KCNN2: variants seen among roughly 807,000 people sequenced by gnomAD.
KCNN2 encodes small conductance calcium-activated potassium channel protein 2.
A neutral mutation model predicts 55.5 loss-of-function variants in KCNN2; 24 were observed. That is an observed-to-expected ratio of 0.43 (90% CI 0.31 to 0.61). KCNN2 has a LOEUF of 0.61. Ranked by LOEUF, KCNN2 falls within the 20% of genes least tolerant of loss-of-function variation. The pLI is 0.08. For synonymous variants in KCNN2, 431 were observed against 336.1 expected (o/e 1.28, Z -3.09); for missense variants, 754 against 853.6 (o/e 0.88, Z 1.45).
chr5:114,440,878 A>C, intron 3 of KCNN2, among the ~76,000 whole-genome samples: 1 of 151,720 alleles, frequency 6.6e-6, no homozygotes, highest in South Asian at 2.1e-4. Context: ...GATAGCTAAA[A>C]CCCACAGATG....
chr5:114,279,463 A>C (rs1025544367), intron 2 of KCNN2, among the ~76,000 whole-genome samples: 1 of 151,956 alleles, frequency 6.6e-6, no homozygotes, highest in Non-Finnish European at 1.5e-5. Flanking sequence ...CCCCCACCCC[A>C]CAACAGGCCC....
intron 3 of KCNN2, among the ~76,000 whole-genome samples, chr5:114,434,788 G>C (rs1036177521): frequency 6.6e-6 from 1 of 152,142 alleles, no homozygotes; most frequent in African/African-American, 2.4e-5. Context: ...AGGGGCTGAA[G>C]TGGGGGTGTT....
At chr5:114,090,026 C>G (rs1350652366) in intron 1 of KCNN2, among the ~76,000 whole-genome samples, 1 of 152,124 alleles carries the variant, frequency 6.6e-6, no homozygotes, top group Non-Finnish European at 1.5e-5. Context: ...TCAAGAAAAG[C>G]TGGCAAGCTT....
At chr5:114,146,163 T>C (rs1023013746) in intron 1 of KCNN2, among the ~76,000 whole-genome samples, 2 of 152,122 alleles carry the variant, frequency 1.3e-5, no homozygotes, top group African/African-American at 4.8e-5. Context: ...TGGTTTATTG[T>C]CAGATGGTTA....
At chr5:114,165,023 C>G (rs1026277307) in intron 1 of KCNN2, among the ~76,000 whole-genome samples, 3 of 152,188 alleles carry the variant, frequency 2.0e-5, no homozygotes, top group Admixed American at 2.0e-4. Flanking sequence ...GTAACAGTAA[C>G]TTGCCTAAAG....
At chr5:114,216,565 T>C (rs1754005068) in intron 1 of KCNN2, among the ~76,000 whole-genome samples, 1 of 152,106 alleles carries the variant, frequency 6.6e-6, no homozygotes, top group Admixed American at 6.5e-5. Context: ...TATCAATAGA[T>C]ACAGAAAAAG....
chr5:114,220,543 T>A (rs1252335437), intron 1 of KCNN2, among the ~76,000 whole-genome samples: 1 of 151,958 alleles, frequency 6.6e-6, no homozygotes, highest in Non-Finnish European at 1.5e-5. Flanking sequence ...TACAGAAATG[T>A]TTTTTAAAAA....
intron 5 of KCNN2, among the ~76,000 whole-genome samples, chr5:114,482,076 T>C (rs1176507065): frequency 2.0e-5 from 3 of 152,162 alleles, no homozygotes; most frequent in Admixed American, 1.3e-4. Context: ...AAAGAAACTA[T>C]TGACAAAGTG....
At chr5:114,070,492 T>TC (rs1307230744) in intron 1 of KCNN2, among the ~76,000 whole-genome samples, 1 of 152,178 alleles carries the variant, frequency 6.6e-6, no homozygotes, top group Non-Finnish European at 1.5e-5. Flanking sequence ...TGAAAAAGCT[T>TC]CCCGGGCTGT....
In KCNN2 at chr5:114,225,661, G is replaced by GA. The variant is rs548560610; in HGVS notation, c.-185+4103dup. 6.8e-3 allele frequency among the ~76,000 whole-genome samples: 1,030 copies of GA among 150,614 alleles called. 12 individuals are homozygous for GA. Among genetic ancestry groups the GA allele is most frequent in the African/African-American group, 0.023 (934 of 41,006 alleles). On this transcript the variant is annotated intron_variant, in intron 2 of 10. Coordinates refer to the KCNN2 transcript ENST00000512097. ...AAATTTTGAGAACACCAAGGATAAA[G>GA]AAAAAAATCCAAGTTATCTACAAAG... is the stretch of plus-strand genomic sequence containing the variant.
At chr5:114,260,601 C>G (rs1392301131) in intron 2 of KCNN2, among the ~76,000 whole-genome samples, 1 of 152,098 alleles carries the variant, frequency 6.6e-6, no homozygotes, top group Non-Finnish European at 1.5e-5. Context: ...TAGCACAGTG[C>G]AAATAGTGCA....
chr5:114,337,754 T>C (rs1383239613), intron 2 of KCNN2, among the ~76,000 whole-genome samples: 1 of 152,316 alleles, frequency 6.6e-6, no homozygotes, highest in Admixed American at 6.5e-5. Flanking sequence ...CCCTGAATTT[T>C]ACCCTTATAT....
rs1277936925 is a variant in KCNN2 at position 114,356,479 on chromosome 5, A to C, written c.-184-4466A>C. ...TTCTACCTGTTCACCCATTTAATTA[A>C]CACAAGTTCTACTAGCAAACTCAGT... On this transcript the variant is annotated intron_variant, in intron 2 of 10. Coordinates refer to the KCNN2 transcript ENST00000512097. 1.3e-5 allele frequency among the ~76,000 whole-genome samples: 2 copies of C among 152,138 alleles called. 1 individual carries two copies. The highest frequency in any genetic ancestry group is 2.9e-5 in the Non-Finnish European group (2 of 68,002).
intron 3 of KCNN2, among the ~76,000 whole-genome samples, chr5:114,415,764 G>C (rs951562756): frequency 2.0e-5 from 3 of 152,078 alleles, no homozygotes; most frequent in Non-Finnish European, 4.4e-5. Context: ...AGAGTTCTTT[G>C]TATATTCTGG....
chr5:114,250,181 G>A (rs1386543377), intron 2 of KCNN2, among the ~76,000 whole-genome samples: 2 of 152,144 alleles, frequency 1.3e-5, no homozygotes, highest in Admixed American at 6.5e-5. Context: ...TGTCTAGCAT[G>A]AGCAGTTTGG....
At chr5:114,458,319 G>A (rs1248805464) in intron 3 of KCNN2, among the ~76,000 whole-genome samples, 1 of 152,176 alleles carries the variant, frequency 6.6e-6, no homozygotes, top group Non-Finnish European at 1.5e-5. Flanking sequence ...TTTGTTAGCT[G>A]TTAACCTCCA....
At chr5:114,454,888 G>A (rs746869912) in intron 3 of KCNN2, among the ~76,000 whole-genome samples, 2 of 152,186 alleles carry the variant, frequency 1.3e-5, no homozygotes, top group Non-Finnish European at 2.9e-5. Flanking sequence ...GACAATTTGT[G>A]CCTTCGAATT....
At chr5:114,109,350 A>C (rs1312464143) in intron 1 of KCNN2, among the ~76,000 whole-genome samples, 1 of 152,114 alleles carries the variant, frequency 6.6e-6, no homozygotes, top group African/African-American at 2.4e-5. Context: ...TATGTAACAT[A>C]CTCAAGGAAG....
intron 5 of KCNN2, among the ~76,000 whole-genome samples, chr5:114,485,688 A>G (rs1467008986): frequency 6.6e-6 from 1 of 152,208 alleles, no homozygotes; most frequent in Non-Finnish European, 1.5e-5. Context: ...CTCCATGCAC[A>G]GAGTCTAATA....
Sources: allele counts gnomAD v4.1 joint callset (sites outside exome capture counted in the v4.1 genomes callset), GRCh38; gene constraint gnomAD v4.1.1; transcripts MANE v1.5; gene names NCBI Gene and HGNC (gene_info 2026-07-23, HGNC 2026-07-21).